The following ANKRD26 variants were observed in gnomAD, a reference collection of about 807,000 sequenced individuals.
ANKRD26 encodes ankyrin repeat domain 26, also known as ankyrin repeat domain-containing protein 26.
Under a neutral mutation model 208.7 loss-of-function variants are expected in ANKRD26, and 141 were observed. That is an observed-to-expected ratio of 0.68 (90% CI 0.59 to 0.78). The LOEUF (loss-of-function observed/expected upper bound fraction) is 0.78. Among genes scored for constraint, ANKRD26 ranks in the 30% least tolerant of loss-of-function variants. The pLI, the probability that ANKRD26 is intolerant of heterozygous loss-of-function variation, is 0.00. For synonymous variants in ANKRD26, 636 were observed against 660.4 expected (o/e 0.96, Z 0.57); for missense variants, 1,889 against 1,938.7 (o/e 0.97, Z 0.48).
chr10:27,046,147 C>A (rs1181704106), intron 18 of ANKRD26: 3 of 566,876 alleles, frequency 5.3e-6, no homozygotes, highest in Non-Finnish European at 9.3e-6. Context: ...CAAACGCCGT[C>A]TGTGCCCATC....
chr10:27,054,205 G>C (rs1249592762), intron 15 of ANKRD26, among the ~76,000 whole-genome samples: 1 of 152,076 alleles, frequency 6.6e-6, no homozygotes, highest in Non-Finnish European at 1.5e-5. Context: ...AATCTTTCAA[G>C]TTATCTTTGT....
At chr10:27,089,327 G>C (rs550878664) in intron 4 of ANKRD26, among the ~76,000 whole-genome samples, 4 of 152,190 alleles carry the variant, frequency 2.6e-5, no homozygotes, top group Non-Finnish European at 5.9e-5. Context: ...CCCCCAGGGG[G>C]ACAGTTCAAG....
chr10:27,080,242 T>C (rs944748511), intron 6 of ANKRD26: 1 of 148,456 alleles, frequency 6.7e-6, no homozygotes, highest in Non-Finnish European at 1.5e-5. Context: ...CTTTCTCCAC[T>C]ATCTATCTCC....
rs1439164160 is a variant in ANKRD26 at position 27,040,018 on chromosome 10, TTTTA to T, written c.2318_2321del (p.Ile773AsnfsTer4). The T allele has an allele frequency of 6.2e-7, 1 of 1,613,680 alleles. No individual in the cohort carries two copies. The highest frequency in any genetic ancestry group is 1.7e-5 in the Admixed American group (1 of 60,002). On this transcript the variant is annotated frameshift_variant, in exon 21 of 34. Coordinates refer to ENST00000376087, the MANE Select transcript of ANKRD26 (RefSeq NM_014915.3). LOFTEE classifies it high-confidence loss of function. ...CAACTTTTTGATGCTCTAACTGTGA[TTTTA>T]TTTCTTTTGTTTCAGATAGCTCCCT...
At chr10:27,089,024 T>C in intron 4 of ANKRD26, among the ~76,000 whole-genome samples, 1 of 152,170 alleles carries the variant, frequency 6.6e-6, no homozygotes, top group East Asian at 1.9e-4. Context: ...GCTGGGCATA[T>C]AAACACTTGT....
intron 15 of ANKRD26, among the ~76,000 whole-genome samples, chr10:27,057,179 TAGA>T (rs1221886681): frequency 1.3e-5 from 2 of 152,248 alleles, no homozygotes; most frequent in South Asian, 2.1e-4. Flanking sequence ...ACTTTCTTCA[TAGA>T]AGAAGTCCCA....
Position 27,014,707 on chromosome 10 carries a change from T to G in ANKRD26, c.4511A>C (p.Gln1504Pro). Residue 1504 changes from glutamine (Q) to proline (P), a missense_variant, in exon 31 of 34, where the codon CAA becomes CCA. Gln to Pro is a moderately conservative substitution (Grantham distance 76). This residue lies in a region of ANKRD26 where 613 missense variants were observed against 648.2 expected (regional missense o/e 0.95). Transcript: ENST00000376087. The stretch of plus-strand genomic sequence containing the variant: ...CTCTAAGTTTTCTTGAGATGCTGCT[T>G]GTGCCTAAAACAAATTAAAAGCATA... ...LKEVNLFLQA[Q>P]AASQENLEQF... 6.2e-7 allele frequency: 1 copy of G among 1,612,032 alleles called. No individual in the cohort carries two copies. Among genetic ancestry groups the G allele is most frequent in the South Asian group, 1.1e-5 (1 of 90,948 alleles).
chr10:26,971,209 C>T (rs1464289174), downstream of ANKRD26, among the ~76,000 whole-genome samples: 3 of 151,868 alleles, frequency 2.0e-5, no homozygotes, highest in African/African-American at 7.3e-5. Context: ...CATGGCCAAA[C>T]CCTGTCTCTA....
At chr10:27,033,042 C>T (rs1036015411) in intron 25 of ANKRD26, among the ~76,000 whole-genome samples, 183 bp downstream of exon 25, 14 of 149,168 alleles carry the variant, frequency 9.4e-5, no homozygotes, top group Admixed American at 8.7e-4. Context: ...GCCACTGTGC[C>T]ACTGCACTCC....
At chr10:26,992,340 T>G (rs2052501672) in intron 5 of ANKRD26, among the ~76,000 whole-genome samples, 1 of 152,120 alleles carries the variant, frequency 6.6e-6, no homozygotes, top group African/African-American at 2.4e-5. Flanking sequence ...TTTTCTTTTT[T>G]CTTTTTTGAG....
At chr10:27,078,054 A>C (rs187857831) in intron 7 of ANKRD26, among the ~76,000 whole-genome samples, 3 of 152,270 alleles carry the variant, frequency 2.0e-5, no homozygotes, top group African/African-American at 7.2e-5. Context: ...AATTAATTAC[A>C]TATTATTTTC....
chr10:27,045,283 G>A (rs1254187417), intron 18 of ANKRD26, among the ~76,000 whole-genome samples: 1 of 152,090 alleles, frequency 6.6e-6, no homozygotes, highest in Non-Finnish European at 1.5e-5. Context: ...AAATAGCCGG[G>A]CATGGTGGTG....
At chr10:27,095,227 A>G (rs1589382744) in intron 1 of ANKRD26, among the ~76,000 whole-genome samples, 1 of 152,338 alleles carries the variant, frequency 6.6e-6, no homozygotes, top group East Asian at 1.9e-4. Context: ...ATTCAAATGA[A>G]TAGGTTGGCT....
intron 12 of ANKRD26, 132 bp downstream of exon 12, chr10:27,063,856 A>G: frequency 1.3e-6 from 1 of 773,174 alleles, no homozygotes; most frequent in Non-Finnish European, 2.1e-6. Context: ...AACTTATCAC[A>G]ATTTTACCTC....
At chr10:27,028,157 T>C (rs1482171835) in intron 27 of ANKRD26, among the ~76,000 whole-genome samples, 2 of 152,282 alleles carry the variant, frequency 1.3e-5, no homozygotes, top group South Asian at 2.1e-4. Flanking sequence ...ATCTGAAAAT[T>C]TGAAATCCAA....
rs1486864988 is a variant in ANKRD26 at position 27,069,220 on chromosome 10, A to C, written c.1078-1934T>G. Among the ~76,000 whole-genome samples, 6 of 144,202 alleles carry C rather than the reference A, an allele frequency of 4.2e-5. No homozygotes were observed. In the East Asian group the frequency reaches 1.2e-3, roughly 30 times the overall value. The allele number at this position is 144,202 out of a possible 152,430, so 94.6% of individuals were successfully genotyped here. A position where few individuals can be genotyped will look rare whatever the true frequency, so the allele number is the denominator to read the frequency against. ...AAAAAAAAAAAAAAAAAAAAAAAAA[A>C]AAGGATATGAGAAATGATAAGCAGG... On this transcript the variant is annotated intron_variant, in intron 9 of 33. Coordinates refer to ENST00000376087, the MANE Select transcript of ANKRD26 (RefSeq NM_014915.3).
At chr10:26,953,695 T>C in the ANKRD26 span, among the ~76,000 whole-genome samples, 3 of 152,246 alleles carry the variant, frequency 2.0e-5, no homozygotes, top group Non-Finnish European at 4.4e-5. Context: ...TTGCCAGTAC[T>C]GATTTTCCTG....
chr10:27,065,023 A>T (rs982565781), intron 11 of ANKRD26, among the ~76,000 whole-genome samples: 1 of 152,148 alleles, frequency 6.6e-6, no homozygotes, highest in Admixed American at 6.5e-5. Context: ...TGATGAACAG[A>T]TTTGAAGATT....
chr10:27,100,431 A>G lies in ANKRD26; in HGVS notation c.-105T>C, dbSNP rs1006771359. 4 of 1,515,152 alleles carry G rather than the reference A, an allele frequency of 2.6e-6. No individual in the cohort carries two copies. Among genetic ancestry groups the G allele is most frequent in the Admixed American group, 4.3e-5 (2 of 47,048 alleles). 93.9% of individuals were successfully genotyped at this position (1,515,152 alleles called of 1,614,324 possible). A position where few individuals can be genotyped will look rare whatever the true frequency, so the allele number is the denominator to read the frequency against. ...AGCCCCGGCTGGCCGCAGCCTCCCA[A>G]AGGAAACTCCGCGGTTTCCAATCTC... On this transcript the variant is annotated 5_prime_UTR_variant, in exon 1 of 34. Transcript: ENST00000376087.
Sources: allele counts gnomAD v4.1 joint callset (sites outside exome capture counted in the v4.1 genomes callset), GRCh38; gene constraint gnomAD v4.1.1; regional missense constraint gnomAD v4.1.1; transcripts MANE v1.5; gene names NCBI Gene and HGNC (gene_info 2026-07-23, HGNC 2026-07-21).